DCAF5: variants seen among roughly 807,000 people sequenced by gnomAD.
DCAF5 encodes DDB1- and CUL4-associated factor 5.
A neutral mutation model predicts 80.7 loss-of-function variants in DCAF5; 9 were observed. The observed-to-expected ratio is 0.11, with a 90% CI of 0.07 to 0.19. DCAF5 has a LOEUF of 0.19. Among genes scored for constraint, DCAF5 ranks in the 10% least tolerant of loss-of-function variants. DCAF5 has a pLI of 1.00. For synonymous variants in DCAF5, 433 were observed against 461.9 expected, an observed-to-expected ratio of 0.94 and a Z score of 0.80; for missense variants, 842 against 1,205.7, an observed-to-expected ratio of 0.70 and a Z score of 4.47.
At chr14:69,108,337 A>G (rs1710990) in intron 5 of DCAF5, among the ~76,000 whole-genome samples, 106,982 of 152,108 alleles carry the variant, frequency 0.7, 37,987 homozygotes, top group East Asian at 0.97. Flanking sequence ...TAACTATGAC[A>G]TGAACACGTA....
intron 5 of DCAF5, among the ~76,000 whole-genome samples, chr14:69,112,594 T>TACACACACACACACACACAC (rs3044674): frequency 5.9e-4 from 86 of 145,242 alleles, no homozygotes; most frequent in African/African-American, 2.2e-3. Flanking sequence ...TATATATGTA[T>TACACACACACACACACACAC]ACACACACAC....
At chr14:69,093,370 T>C (rs1168150386) in intron 5 of DCAF5, among the ~76,000 whole-genome samples, 1 of 152,136 alleles carries the variant, frequency 6.6e-6, no homozygotes, top group African/African-American at 2.4e-5. Context: ...TTCTGGAGAA[T>C]CACAGACCTG....
At chr14:69,107,028 C>G (rs2140024286) in intron 5 of DCAF5, among the ~76,000 whole-genome samples, 1 of 150,304 alleles carries the variant, frequency 6.7e-6, no homozygotes, top group Admixed American at 6.7e-5. Context: ...GGTAACAGAG[C>G]AAGACTTTGT....
chr14:69,119,435 G>C (rs1027767383), intron 2 of DCAF5, among the ~76,000 whole-genome samples: 6 of 151,476 alleles, frequency 4.0e-5, no homozygotes, highest in African/African-American at 1.5e-4. Context: ...AAAAATAATG[G>C]CATCCAAGTA....
At chr14:69,057,688 G>A (rs1182826899) in intron 8 of DCAF5, among the ~76,000 whole-genome samples, 1 of 152,176 alleles carries the variant, frequency 6.6e-6, no homozygotes, top group Non-Finnish European at 1.5e-5. Flanking sequence ...TGGAGTAATG[G>A]AGTGAAACAC....
rs750491442 is a variant in DCAF5 at position 69,091,821 on chromosome 14, G to C, written c.732C>G (p.Asn244Lys). 1.2e-6 allele frequency: 2 copies of C among 1,614,128 alleles called. No individual in the cohort carries two copies. The highest frequency in any genetic ancestry group is 1.7e-6 in the Non-Finnish European group (2 of 1,180,020). Residue 244 changes from asparagine (N) to lysine (K), a missense_variant, in exon 6 of 9, where the codon AAC (asparagine) becomes AAG (lysine). Coordinates refer to ENST00000341516, the MANE Select transcript of DCAF5 (RefSeq NM_003861.3). ...QSAMSVRFNS[N>K]GTQLLALRRR... ...GCCTCAGGGCCAGGAGCTGGGTCCC[G>C]TTGCTGTTGAATCGTACACTCATGG...
At chr14:69,098,727 CAAA>C (rs35501979) in intron 5 of DCAF5, among the ~76,000 whole-genome samples, 2 of 92,518 alleles carry the variant, frequency 2.2e-5, no homozygotes, top group Non-Finnish European at 4.0e-5. Context: ...ACTAAAAATA[CAAA>C]AAAAAAAAAA....
intron 1 of DCAF5, among the ~76,000 whole-genome samples, chr14:69,149,753 G>C (rs529611576): frequency 6.6e-6 from 1 of 152,272 alleles, no homozygotes; most frequent in South Asian, 2.1e-4. Context: ...ACAACAAAAT[G>C]CATAAAAGTA....
intron 5 of DCAF5, among the ~76,000 whole-genome samples, chr14:69,112,779 T>C (rs1345837468): frequency 6.6e-6 from 1 of 152,138 alleles, no homozygotes; most frequent in East Asian, 1.9e-4. Flanking sequence ...GCTTAATAAA[T>C]GTTAGTTATT....
chr14:69,054,331 C>G lies in DCAF5; in HGVS notation c.2355G>C (p.Leu785=), dbSNP rs899398424. 10 of 1,614,218 alleles carry G rather than the reference C, an allele frequency of 6.2e-6. No homozygotes were observed. The highest frequency in any genetic ancestry group is 8.5e-6 in the Non-Finnish European group (10 of 1,180,042). The change falls in exon 9 of 9, where the codon CTG becomes CTC. Residue 785 remains leucine (L), a synonymous_variant. Coordinates refer to ENST00000341516, the MANE Select transcript of DCAF5 (RefSeq NM_003861.3). ...AAGGCGGCTCCTCAGCCCGACTGCT[C>G]AGGGCCTTTCCATTGAGCTTCTTGG... ...FETKKLNGKA[L]SSRAEEPPSP...
Position 69,118,427 on chromosome 14 carries a change from G to C in DCAF5, c.396-149C>G. On this transcript the variant is annotated intron_variant, in intron 3 of 8. Transcript: ENST00000341516. This position sits in a 1 kb window ranked among gnomAD's most constrained non-coding sequence, Gnocchi z 4.0. ...CCAAAAAATATTATATTTCCTGAAA[G>C]GTAGGTAGTCAACTTTCAGGTTAAA... The C allele has an allele frequency of 1.4e-6, 1 of 730,814 alleles. No homozygotes were observed. Among genetic ancestry groups the C allele is most frequent in the Non-Finnish European group, 2.0e-6 (1 of 489,618 alleles). 45.3% of individuals were successfully genotyped at this position (730,814 alleles called of 1,614,324 possible).
chr14:69,131,594 G>C (rs772960913), intron 1 of DCAF5, among the ~76,000 whole-genome samples: 2 of 152,042 alleles, frequency 1.3e-5, no homozygotes, highest in African/African-American at 4.8e-5. Flanking sequence ...TTCTAGACAC[G>C]TATCAGAGAG....
At position 69,054,624 on chromosome 14, in the gene DCAF5, C is replaced by T; in HGVS notation, c.2062G>A (p.Glu688Lys). 3.1e-6 allele frequency: 5 copies of T among 1,614,116 alleles called. No homozygotes were observed. The highest frequency in any genetic ancestry group is 4.2e-6 in the Non-Finnish European group (5 of 1,179,994). Reference protein sequence around the residue: ...KDGETSLVTGEADEGRAGTSH... With the variant: ...KDGETSLVTGKADEGRAGTSH... ...GTTCCTGCTCTCCCTTCATCTGCCTCCCCGGTCACCAAGGAGGTCTCTCCA... is the reference window on the plus strand; with the variant it reads ...GTTCCTGCTCTCCCTTCATCTGCCTTCCCGGTCACCAAGGAGGTCTCTCCA... Residue 688 changes from glutamate (E) to lysine (K), a missense_variant, in exon 9 of 9, where the codon GAG becomes AAG. This residue lies in a region of DCAF5 where 607 missense variants were observed against 656.6 expected (regional missense o/e 0.92). Transcript: ENST00000341516.
chr14:69,087,649 GTA>G (rs991525539), intron 6 of DCAF5, among the ~76,000 whole-genome samples: 3 of 152,150 alleles, frequency 2.0e-5, no homozygotes, highest in Non-Finnish European at 4.4e-5. Flanking sequence ...AAGACAGATT[GTA>G]TAAAGGGCTT....
At chr14:69,129,630 T>C (rs575228262) in intron 1 of DCAF5, among the ~76,000 whole-genome samples, 1 of 152,252 alleles carries the variant, frequency 6.6e-6, no homozygotes, top group South Asian at 2.1e-4. Context: ...GACCTGCAAA[T>C]AATCCAAGTG....
chr14:69,072,303 AT>A (rs2038723486), intron 7 of DCAF5, among the ~76,000 whole-genome samples: 1 of 152,238 alleles, frequency 6.6e-6, no homozygotes, highest in South Asian at 2.1e-4. Flanking sequence ...CTTTTAAAAA[AT>A]AAGCTTTATA....
chr14:69,062,279 C>A, intron 8 of DCAF5, 105 bp downstream of exon 8: 1 of 1,224,070 alleles, frequency 8.2e-7, no homozygotes, highest in African/African-American at 1.5e-5. Context: ...TTCTGATAGA[C>A]CTTTAGTATG....
In DCAF5 at chr14:69,055,107, G is replaced by A. The variant is rs1015004377; in HGVS notation, c.1579C>T (p.Leu527Phe). ...TCCTCAGAATCGGACTCATTGGAAA[G>A]GGCCAGGAGGCGTTTGTCTTGGTAG... ...RRYQDKRLLA[L>F]SNESDSEENV... Residue 527 changes from leucine (L) to phenylalanine (F), a missense_variant, in exon 9 of 9, where the codon CTT (leucine) becomes TTT (phenylalanine). Transcript: ENST00000341516. This position sits in a 1 kb window ranked among gnomAD's most constrained non-coding sequence, Gnocchi z 5.6. 2.5e-6 allele frequency: 4 copies of A among 1,614,104 alleles called. No individual in the cohort carries two copies. Among genetic ancestry groups the A allele is most frequent in the Non-Finnish European group, 3.4e-6 (4 of 1,180,048 alleles).
rs1487807431 is a variant in DCAF5 at position 69,054,869 on chromosome 14, G to A, written c.1817C>T (p.Thr606Ile). Residue 606 changes from threonine to isoleucine, a missense_variant, in exon 9 of 9, where the codon ACC becomes ATC. Around this residue, in one of 5 missense-constraint regions of DCAF5, gnomAD observed 607 missense variants for 656.6 expected, o/e 0.92. Transcript: ENST00000341516. ...EDKPSAPIKP[T>I]NTYIGEDNYD... ...GTTGTCTTCTCCAATGTAAGTGTTGGTGGGCTTGATTGGGGCACTGGGCTT... is the reference window on the plus strand; with the variant it reads ...GTTGTCTTCTCCAATGTAAGTGTTGATGGGCTTGATTGGGGCACTGGGCTT... 3.1e-6 allele frequency: 5 copies of A among 1,614,034 alleles called. No homozygotes were observed. The African/African-American group carries it at 5.3e-5, about 17-fold the overall frequency.
Sources: gnomAD v4.1 joint callset for allele counts (sites outside exome capture counted in the v4.1 genomes callset) on GRCh38, gnomAD v4.1.1 for gene constraint, gnomAD v4.1.1 regional missense constraint, Gnocchi (gnomAD v3.1) non-coding constraint, MANE v1.5 for transcripts, NCBI Gene and HGNC (gene_info 2026-07-23, HGNC 2026-07-21) for gene names.